The following PTPRD variants were observed in gnomAD, a reference collection of about 807,000 sequenced individuals.
PTPRD encodes the protein receptor-type tyrosine-protein phosphatase delta.
A neutral mutation model predicts 214.5 loss-of-function variants in PTPRD; 34 were observed. That is an observed-to-expected ratio of 0.16 (90% confidence interval 0.12 to 0.21). The LOEUF is 0.21. Among genes scored for constraint, PTPRD ranks in the 10% least tolerant of loss-of-function variants. The pLI, the probability that PTPRD is intolerant of heterozygous loss-of-function variation, is 1.00. For missense variants in PTPRD, 2,545 were observed against 2,398.7 expected (o/e 1.06, Z -1.27); for synonymous variants, 1,128 against 845.7 (o/e 1.33, Z -5.79).
chr9:9,836,282 C>G (rs1055340048), intron 5 of PTPRD, among the ~76,000 whole-genome samples: 1 of 152,130 alleles, frequency 6.6e-6, no homozygotes, highest in South Asian at 2.1e-4. Flanking sequence ...TTGAATACTT[C>G]CAGAATGGAG....
chr9:9,469,423 C>G (rs192300582), intron 8 of PTPRD, among the ~76,000 whole-genome samples: 255 of 152,252 alleles, frequency 1.7e-3, no homozygotes, highest in African/African-American at 5.7e-3. Context: ...CTGGGTCTCA[C>G]ATGACCGATG....
At chr9:10,072,184 G>A (rs1019095638) in intron 3 of PTPRD, among the ~76,000 whole-genome samples, 3 of 151,860 alleles carry the variant, frequency 2.0e-5, no homozygotes, top group African/African-American at 7.3e-5. Context: ...CAAAACATAA[G>A]CAAAAGATAT....
chr9:9,576,680 T>C lies in PTPRD; in HGVS notation c.-286-1899A>G, dbSNP rs530250293. ...GAATTAACATTTGGCTGAAGCTAAATATTACCATTGTAGAATAAACTTCTT... is the reference window on the plus strand; with the variant it reads ...GAATTAACATTTGGCTGAAGCTAAACATTACCATTGTAGAATAAACTTCTT... On this transcript the variant is annotated intron_variant, in intron 7 of 45. Transcript: ENST00000381196. 2.6e-5 allele frequency among the ~76,000 whole-genome samples: 4 copies of C among 152,324 alleles called. No individual in the cohort carries two copies. In the South Asian group the frequency reaches 8.3e-4, roughly 32 times the overall value.
At chr9:9,980,728 C>A (rs555276633) in intron 4 of PTPRD, among the ~76,000 whole-genome samples, 2 of 126,550 alleles carry the variant, frequency 1.6e-5, no homozygotes, top group South Asian at 2.6e-4. Context: ...AAAATTAACA[C>A]TGGATTACAG....
intron 5 of PTPRD, among the ~76,000 whole-genome samples, chr9:9,849,488 T>C (rs1198953579): frequency 6.6e-6 from 1 of 152,114 alleles, no homozygotes; most frequent in Non-Finnish European, 1.5e-5. Flanking sequence ...CTTAAATTTA[T>C]ATATAGAAGT....
At chr9:10,536,062 G>T (rs1159880649) in intron 2 of PTPRD, among the ~76,000 whole-genome samples, 2 of 152,138 alleles carry the variant, frequency 1.3e-5, no homozygotes, top group Admixed American at 6.6e-5. Context: ...GGAATCACTT[G>T]TGAGTGAGCG....
At chr9:10,409,166 A>G (rs957073174) in intron 2 of PTPRD, among the ~76,000 whole-genome samples, 2 of 151,868 alleles carry the variant, frequency 1.3e-5, no homozygotes, top group Non-Finnish European at 2.9e-5. Context: ...CAAAATATCT[A>G]ACTTTTTAAA....
intron 7 of PTPRD, among the ~76,000 whole-genome samples, chr9:9,693,471 A>C (rs936935813): frequency 1.3e-5 from 2 of 152,078 alleles, no homozygotes; most frequent in Non-Finnish European, 2.9e-5. Flanking sequence ...ATGTGCAACT[A>C]TGAGTCATTT....
At chr9:9,548,008 T>C (rs2079214671) in intron 8 of PTPRD, among the ~76,000 whole-genome samples, 1 of 151,546 alleles carries the variant, frequency 6.6e-6, no homozygotes, top group African/African-American at 2.4e-5. Context: ...CTTTCAAGAG[T>C]TGAAAGTGTA....
rs545088143 is a variant in PTPRD at position 10,214,018 on chromosome 9, T to C, written c.-545+126945A>G. ...AACCCCACAATTATCTATCAACAGC[T>C]GTAAAGGCATATCTTCATCAAATCC... On this transcript the variant is annotated intron_variant, in intron 3 of 45. Coordinates refer to ENST00000381196, the MANE Select transcript of PTPRD (RefSeq NM_002839.4). 1.1e-4 allele frequency among the ~76,000 whole-genome samples: 17 copies of C among 152,212 alleles called. No homozygotes were observed. In the South Asian group the frequency reaches 3.1e-3, roughly 28 times the overall value.
At chr9:8,644,892 G>T (rs554384809) in intron 12 of PTPRD, among the ~76,000 whole-genome samples, 79 of 152,286 alleles carry the variant, frequency 5.2e-4, no homozygotes, top group African/African-American at 1.7e-3. Context: ...AGCCTGCCAG[G>T]CCAGGTGGGC....
At chr9:10,128,184 C>A (rs2098833650) in intron 3 of PTPRD, among the ~76,000 whole-genome samples, 2 of 152,042 alleles carry the variant, frequency 1.3e-5, no homozygotes, top group South Asian at 2.1e-4. Flanking sequence ...ATAATTGGTT[C>A]TCTGAGCTCT....
intron 3 of PTPRD, among the ~76,000 whole-genome samples, chr9:10,077,175 T>A (rs189916273): frequency 1.3e-5 from 2 of 152,316 alleles, no homozygotes; most frequent in Admixed American, 1.3e-4. Flanking sequence ...GAATGAATTA[T>A]CAACCTAGCA....
chr9:10,407,282 G>A (rs1467790294), intron 2 of PTPRD, among the ~76,000 whole-genome samples: 4 of 151,408 alleles, frequency 2.6e-5, no homozygotes, highest in Non-Finnish European at 1.5e-5. Context: ...AAATGAATAT[G>A]GTGTGATAAT....
chr9:10,487,279 G>C (rs2099138939), intron 2 of PTPRD, among the ~76,000 whole-genome samples: 1 of 152,002 alleles, frequency 6.6e-6, no homozygotes, highest in Non-Finnish European at 1.5e-5. Context: ...GAAGAGCTTA[G>C]TCCACTTACA....
At chr9:9,119,772 C>A (rs927350111) in intron 10 of PTPRD, among the ~76,000 whole-genome samples, 1 of 151,910 alleles carries the variant, frequency 6.6e-6, no homozygotes, top group Non-Finnish European at 1.5e-5. Context: ...GATCCACTGG[C>A]CTCAGCCTCC....
At chr9:9,747,585 C>T (rs1479009933) in intron 6 of PTPRD, among the ~76,000 whole-genome samples, 8 of 144,100 alleles carry the variant, frequency 5.6e-5, no homozygotes, top group East Asian at 4.2e-4. Flanking sequence ...TCACTCTTTT[C>T]GCCCAGGCTG....
intron 8 of PTPRD, among the ~76,000 whole-genome samples, chr9:9,539,190 A>G (rs901044457): frequency 4.0e-5 from 6 of 151,884 alleles, no homozygotes; most frequent in African/African-American, 1.4e-4. Context: ...TGAGACCTAA[A>G]TGAAAAGGAG....
At chr9:9,793,316 T>C (rs1358357263) in intron 5 of PTPRD, among the ~76,000 whole-genome samples, 1 of 152,114 alleles carries the variant, frequency 6.6e-6, no homozygotes, top group Non-Finnish European at 1.5e-5. Flanking sequence ...CTGAGTTGTT[T>C]TGTTTTCTTC....
Sources: gnomAD v4.1 joint callset for allele counts (sites outside exome capture counted in the v4.1 genomes callset) on GRCh38, gnomAD v4.1.1 for gene constraint, MANE v1.5 for transcripts, NCBI Gene and HGNC (gene_info 2026-07-23, HGNC 2026-07-21) for gene names.